Variants in CAMTA1 observed in about 807,000 individuals in gnomAD.
The protein encoded by CAMTA1 is calmodulin-binding transcription activator 1.
A neutral mutation model predicts 170.9 loss-of-function variants in CAMTA1; 27 were observed. The ratio of observed to expected loss-of-function variants is 0.16; its 90% confidence interval spans 0.12 to 0.22. The LOEUF is 0.22. Ranked by LOEUF, CAMTA1 falls within the 10% of genes least tolerant of loss-of-function variation. CAMTA1 has a pLI of 1.00. For synonymous variants in CAMTA1, 833 were observed against 891.5 expected, an observed-to-expected ratio of 0.93 and a Z score of 1.17; for missense variants, 1,619 against 2,217.2, an observed-to-expected ratio of 0.73 and a Z score of 5.42.
chr1:7,507,700 A>T (rs1275698861), intron 6 of CAMTA1, among the ~76,000 whole-genome samples: 1 of 152,216 alleles, frequency 6.6e-6, no homozygotes, highest in Non-Finnish European at 1.5e-5. Flanking sequence ...CCCAGGCCCC[A>T]GGGGCCTCTC....
intron 11 of CAMTA1, among the ~76,000 whole-genome samples, chr1:7,714,058 A>T (rs767486109): frequency 2.6e-5 from 4 of 152,126 alleles, no homozygotes; most frequent in Admixed American, 6.6e-5. Flanking sequence ...TCTTTCCACC[A>T]CGAATTGTGG....
At chr1:7,627,172 C>G (rs2095639344) in intron 6 of CAMTA1, among the ~76,000 whole-genome samples, 1 of 152,122 alleles carries the variant, frequency 6.6e-6, no homozygotes, top group Admixed American at 6.5e-5. Flanking sequence ...TGGAAGATAA[C>G]CAAGAATTGT....
intron 9 of CAMTA1, among the ~76,000 whole-genome samples, chr1:7,668,390 C>CACACACAA (rs1480990350): frequency 0.025 from 2,406 of 97,868 alleles, 38 homozygotes; most frequent in Non-Finnish European, 0.025. Flanking sequence ...TGGTCACCAA[C>CACACACAA]ACACACACAC....
intron 5 of CAMTA1, among the ~76,000 whole-genome samples, chr1:7,339,550 G>A (rs191268494): frequency 5.3e-5 from 8 of 152,022 alleles, no homozygotes; most frequent in South Asian, 2.1e-4. Context: ...CTCAAAGCAC[G>A]TTCATGCTGA....
chr1:6,811,536 T>C (rs1266139921), intron 1 of CAMTA1, among the ~76,000 whole-genome samples: 1 of 152,232 alleles, frequency 6.6e-6, no homozygotes, highest in Non-Finnish European at 1.5e-5. Flanking sequence ...CTCTTTTGCT[T>C]CTGTGTGTCA....
chr1:7,335,800 G>C (rs926104220), intron 5 of CAMTA1, among the ~76,000 whole-genome samples: 1 of 149,146 alleles, frequency 6.7e-6, no homozygotes, highest in Non-Finnish European at 1.5e-5. Flanking sequence ...CAAAAACCAA[G>C]ACCTCTGCAA....
rs561414246 is a variant in CAMTA1 at position 7,053,014 on chromosome 1, C to A, written c.235-38290C>A. Among the ~76,000 whole-genome samples the A allele has an allele frequency of 2.5e-3, 376 of 152,348 alleles. 6 individuals carry two copies. The highest frequency in any genetic ancestry group is 8.9e-3 in the East Asian group (46 of 5,170). ...CACTGCCCTGGCTTCCCCCTGCCAG[C>A]CTCGCCCGGCCACTCTGCTGAGGGA... On this transcript the variant is annotated intron_variant, in intron 3 of 22. Transcript: ENST00000303635.
chr1:7,187,627 C>T (rs968917688), intron 4 of CAMTA1, among the ~76,000 whole-genome samples: 1 of 152,138 alleles, frequency 6.6e-6, no homozygotes, highest in African/African-American at 2.4e-5. Context: ...TTTTAACATA[C>T]ATGAAATTAT....
chr1:7,179,495 A>G (rs554459981), intron 4 of CAMTA1, among the ~76,000 whole-genome samples: 2 of 152,378 alleles, frequency 1.3e-5, no homozygotes, highest in South Asian at 2.1e-4. Flanking sequence ...AAACAGTTAT[A>G]TATTAGCTCA....
chr1:7,755,759 A>G, intron 22 of CAMTA1, 91 bp downstream of exon 22: 1 of 1,050,718 alleles, frequency 9.5e-7, no homozygotes, highest in Non-Finnish European at 1.5e-6. Context: ...CAGCCTAGGT[A>G]TGCCAGTAAG....
chr1:7,057,299 GC>G (rs1707491897), intron 3 of CAMTA1, among the ~76,000 whole-genome samples: 1 of 152,216 alleles, frequency 6.6e-6, no homozygotes, highest in Non-Finnish European at 1.5e-5. Context: ...CCTGCAGTGT[GC>G]ACAGGAGCAG....
chr1:7,436,881 A>T (rs1353770293), intron 5 of CAMTA1, among the ~76,000 whole-genome samples: 1 of 152,010 alleles, frequency 6.6e-6, no homozygotes, highest in Non-Finnish European at 1.5e-5. Context: ...GTAAAGAGGT[A>T]ACTGAGGCTG....
At chr1:7,582,074 C>T (rs903389361) in intron 6 of CAMTA1, among the ~76,000 whole-genome samples, 1 of 152,128 alleles carries the variant, frequency 6.6e-6, no homozygotes, top group Non-Finnish European at 1.5e-5. Context: ...TTGTTGCTTC[C>T]GTAACTTTCA....
intron 3 of CAMTA1, among the ~76,000 whole-genome samples, chr1:6,958,615 A>G (rs1038024532): frequency 1.3e-5 from 2 of 152,180 alleles, no homozygotes; most frequent in Non-Finnish European, 2.9e-5. Context: ...CAAATTGGGA[A>G]ATTTGAATGT....
At chr1:7,448,307 G>T (rs2092729362) in intron 5 of CAMTA1, among the ~76,000 whole-genome samples, 2 of 152,208 alleles carry the variant, frequency 1.3e-5, no homozygotes, top group African/African-American at 4.8e-5. Flanking sequence ...CAGGCTCCTG[G>T]GTGACAGGAA....
At position 7,064,147 on chromosome 1, in the gene CAMTA1, C is replaced by G. The variant is rs1051876019; in HGVS notation, c.235-27157C>G. On this transcript the variant is annotated intron_variant, in intron 3 of 22. Coordinates refer to ENST00000303635, the MANE Select transcript of CAMTA1 (RefSeq NM_015215.4). This position sits in a 1 kb window ranked among gnomAD's most constrained non-coding sequence, Gnocchi z 5.4. ...TTCTTCTTCTCCTCCTCCTCCTTCT[C>G]TTCTTCCCTCCTCCTCCTCTTCCTT... Among the ~76,000 whole-genome samples, 1 of 151,072 alleles carries G rather than the reference C, an allele frequency of 6.6e-6. No homozygotes were observed. The highest frequency in any genetic ancestry group is 1.5e-5 in the Non-Finnish European group (1 of 67,726).
intron 7 of CAMTA1, among the ~76,000 whole-genome samples, chr1:7,655,160 A>G (rs1225863333): frequency 6.9e-6 from 1 of 144,694 alleles, no homozygotes; most frequent in Non-Finnish European, 1.5e-5. Context: ...ACACACACCT[A>G]TACACACCCA....
intron 11 of CAMTA1, among the ~76,000 whole-genome samples, chr1:7,687,219 C>A (rs2096266328): frequency 6.6e-6 from 1 of 151,526 alleles, no homozygotes; most frequent in Non-Finnish European, 1.5e-5. Context: ...GGACACCAAG[C>A]AGAGGAGGAG....
chr1:7,126,747 C>T (rs1644951858), intron 4 of CAMTA1, among the ~76,000 whole-genome samples: 1 of 152,134 alleles, frequency 6.6e-6, no homozygotes, highest in South Asian at 2.1e-4. Context: ...CCATGCTTTT[C>T]TGTCGCTGCT....
Sources: allele counts gnomAD v4.1 joint callset (sites outside exome capture counted in the v4.1 genomes callset), GRCh38; gene constraint gnomAD v4.1.1; non-coding constraint Gnocchi (gnomAD v3.1); transcripts MANE v1.5; gene names NCBI Gene and HGNC (gene_info 2026-07-23, HGNC 2026-07-21).